DOK5: variants seen among roughly 807,000 people sequenced by gnomAD.
The protein encoded by DOK5 is docking protein 5.
A neutral mutation model predicts 43.3 loss-of-function variants in DOK5; 27 were observed. The ratio of observed to expected loss-of-function variants is 0.62; its 90% CI spans 0.46 to 0.86. DOK5 has a LOEUF of 0.86. Ranked by LOEUF, DOK5 falls within the 40% of genes least tolerant of loss-of-function variation. The pLI, the probability that DOK5 is intolerant of heterozygous loss-of-function variation, is 0.00. For synonymous variants in DOK5, 146 were observed against 140.1 expected (o/e 1.04, Z -0.30); for missense variants, 373 against 392.9 (o/e 0.95, Z 0.43).
chr20:54,516,593 C>T (rs1321488963), intron 1 of DOK5, among the ~76,000 whole-genome samples: 2 of 152,124 alleles, frequency 1.3e-5, no homozygotes, highest in Non-Finnish European at 2.9e-5. Context: ...CTCATGCTCC[C>T]CAAAATTCAG....
chr20:54,527,272 T>C (rs918554122), intron 1 of DOK5, among the ~76,000 whole-genome samples: 6 of 152,168 alleles, frequency 3.9e-5, no homozygotes, highest in African/African-American at 1.4e-4. Context: ...TTTTTTTAAA[T>C]TCAATTTTTT....
intron 1 of DOK5, among the ~76,000 whole-genome samples, chr20:54,514,635 C>A (rs914937967): frequency 1.5e-5 from 2 of 132,090 alleles, no homozygotes; most frequent in Admixed American, 1.6e-4. Flanking sequence ...CAGGGGAGAG[C>A]AATTGGAGAT....
At chr20:54,559,976 ACCCTTTATAGTG>A (rs1186888493) in intron 2 of DOK5, among the ~76,000 whole-genome samples, 3 of 152,248 alleles carry the variant, frequency 2.0e-5, no homozygotes, top group Middle Eastern at 6.8e-3. Context: ...CTGTCATTCT[ACCCTTTATAGTG>A]ACTAGGTCAT....
At chr20:54,550,662 GT>G in intron 1 of DOK5, among the ~76,000 whole-genome samples, 1 of 152,192 alleles carries the variant, frequency 6.6e-6, no homozygotes, top group Middle Eastern at 3.4e-3. Flanking sequence ...AGATTTGGCT[GT>G]TTTTTTCACT....
intron 7 of DOK5, among the ~76,000 whole-genome samples, chr20:54,644,567 G>C (rs892186857): frequency 1.3e-5 from 2 of 151,820 alleles, no homozygotes; most frequent in African/African-American, 2.4e-5. Context: ...TTAGCCGGGC[G>C]TGGTGGCGGG....
intron 1 of DOK5, among the ~76,000 whole-genome samples, chr20:54,480,899 C>CTGTATCTATCTATCTATCTATCTATCTA (rs1981641763): frequency 7.7e-6 from 1 of 129,560 alleles, no homozygotes; most frequent in African/African-American, 3.5e-5. Flanking sequence ...CCTTTAAGGC[C>CTGTATCTATCTATCTATCTATCTATCTA]TCCATCTATC....
chr20:54,571,194 T>TA (rs1491226126), intron 2 of DOK5, among the ~76,000 whole-genome samples: 1 of 152,248 alleles, frequency 6.6e-6, no homozygotes, highest in Non-Finnish European at 1.5e-5. Flanking sequence ...AGTAATTAAC[T>TA]ATTTCTTAAA....
intron 1 of DOK5, among the ~76,000 whole-genome samples, chr20:54,550,576 A>G (rs6098072): frequency 0.02 from 3,088 of 152,280 alleles, 103 homozygotes; most frequent in African/African-American, 0.07. Context: ...GACCATCGTT[A>G]ATCTGTTTTC....
intron 1 of DOK5, among the ~76,000 whole-genome samples, chr20:54,510,605 C>T (rs1328167756): frequency 1.3e-5 from 2 of 152,050 alleles, no homozygotes; most frequent in Non-Finnish European, 2.9e-5. Flanking sequence ...ATAAATTCAA[C>T]ATAGGATCCC....
intron 1 of DOK5, among the ~76,000 whole-genome samples, chr20:54,500,930 C>G (rs1170004216): frequency 6.6e-6 from 1 of 151,736 alleles, no homozygotes; most frequent in Non-Finnish European, 1.5e-5. Context: ...AACTTTAAAA[C>G]TGTGAGTTTG....
Position 54,624,571 on chromosome 20 carries a change from CAG to C in DOK5, c.735+14049_735+14050del, listed in dbSNP as rs529731120. On this transcript the variant is annotated intron_variant, in intron 6 of 7. Coordinates refer to ENST00000262593, the MANE Select transcript of DOK5 (RefSeq NM_018431.5). The stretch of plus-strand genomic sequence containing the variant: ...GTCCAGTTCTCTCCTAATGCCCAAA[CAG>C]GGCACAGGTTCCAGGCAAGTCTGCT... Among the ~76,000 whole-genome samples, 286 of 152,302 alleles carry C rather than the reference CAG, an allele frequency of 1.9e-3. 1 individual carries two copies. Among genetic ancestry groups the C allele is most frequent in the Admixed American group, 4.7e-3 (72 of 15,310 alleles).
chr20:54,604,629 C>T (rs879310849), intron 5 of DOK5, among the ~76,000 whole-genome samples: 23 of 152,110 alleles, frequency 1.5e-4, no homozygotes, highest in Non-Finnish European at 2.8e-4. Flanking sequence ...TCAATTATAA[C>T]GTAATTGTAA....
At chr20:54,496,664 G>T (rs111674973) in intron 1 of DOK5, among the ~76,000 whole-genome samples, 9,978 of 151,196 alleles carry the variant, frequency 0.066, 404 homozygotes, top group Non-Finnish European at 0.092. Flanking sequence ...TACTTGGGAG[G>T]CTGAGGCAGG....
At chr20:54,632,168 T>C (rs1978603689) in intron 6 of DOK5, among the ~76,000 whole-genome samples, 1 of 152,220 alleles carries the variant, frequency 6.6e-6, no homozygotes, top group Admixed American at 6.5e-5. Flanking sequence ...TTCTTGTTCC[T>C]GCAATGGTTC....
intron 1 of DOK5, among the ~76,000 whole-genome samples, chr20:54,512,342 C>T (rs1409466480): frequency 2.0e-5 from 3 of 152,182 alleles, no homozygotes; most frequent in Non-Finnish European, 4.4e-5. Flanking sequence ...TATTGCAATA[C>T]ATTGTTTATA....
chr20:54,510,525 A>G (rs17326001), intron 1 of DOK5, among the ~76,000 whole-genome samples: 12,202 of 152,250 alleles, frequency 0.08, 529 homozygotes, highest in Non-Finnish European at 0.11. Flanking sequence ...TACTTTACAT[A>G]ATAATGACTA....
intron 5 of DOK5, among the ~76,000 whole-genome samples, chr20:54,606,823 C>T (rs1986484807): frequency 6.6e-6 from 1 of 152,090 alleles, no homozygotes; most frequent in South Asian, 2.1e-4. Context: ...TCAGGCTGTC[C>T]AATGAAGGAC....
intron 2 of DOK5, among the ~76,000 whole-genome samples, chr20:54,564,634 A>G (rs1394223816): frequency 1.3e-5 from 2 of 152,180 alleles, no homozygotes; most frequent in Non-Finnish European, 2.9e-5. Flanking sequence ...AGAGAAAAAA[A>G]ATACATATAC....
At chr20:54,524,495 A>G (rs560153524) in intron 1 of DOK5, among the ~76,000 whole-genome samples, 80 of 152,324 alleles carry the variant, frequency 5.3e-4, no homozygotes, top group African/African-American at 1.7e-3. Flanking sequence ...ATTAGCTGTG[A>G]CTAACACTGA....
Sources: allele counts gnomAD v4.1 joint callset (sites outside exome capture counted in the v4.1 genomes callset), GRCh38; gene constraint gnomAD v4.1.1; transcripts MANE v1.5; gene names NCBI Gene and HGNC (gene_info 2026-07-23, HGNC 2026-07-21).